The following SLC35F2 variants were observed in gnomAD, a reference collection of about 807,000 sequenced individuals.
SLC35F2 encodes the protein queuine/queuosine transporter SLC35F2.
Under a neutral mutation model 38.1 loss-of-function variants are expected in SLC35F2, and 25 were observed. The ratio of observed to expected loss-of-function variants is 0.66; its 90% CI spans 0.48 to 0.92. The LOEUF (loss-of-function observed/expected upper bound fraction) is 0.92. SLC35F2 is among the 40% of genes least tolerant of loss of function. SLC35F2 has a pLI of 0.00. For synonymous variants in SLC35F2, 173 were observed against 181.7 expected (o/e 0.95, Z 0.38); for missense variants, 409 against 452.9 (o/e 0.90, Z 0.88).
intron 7 of SLC35F2, among the ~76,000 whole-genome samples, chr11:107,802,242 A>AAAAAAAAAAAAAAAAAAAT (rs559048077): frequency 4.3e-4 from 64 of 147,936 alleles, no homozygotes; most frequent in African/African-American, 1.3e-3. Context: ...CATCTCAAAA[A>AAAAAAAAAAAAAAAAAAAT]AAATAAATAA....
chr11:107,815,720 G>A, intron 2 of SLC35F2, 70 bp downstream of exon 2: 2 of 1,501,982 alleles, frequency 1.3e-6, no homozygotes, highest in South Asian at 1.3e-5. Context: ...GAATTTAGAG[G>A]TGTCATACTT....
chr11:107,845,950 C>CATAAATAAATAAATAA lies in SLC35F2; in HGVS notation c.110+12692_110+12707dup, dbSNP rs57548679. Among the ~76,000 whole-genome samples the CATAAATAAATAAATAA allele has an allele frequency of 3.4e-3, 491 of 142,920 alleles. 2 individuals carry two copies. Among genetic ancestry groups the CATAAATAAATAAATAA allele is most frequent in the East Asian group, 0.029 (143 of 4,890 alleles). The allele number at this position is 142,920 out of a possible 152,430, so 93.8% of individuals were successfully genotyped here. A position where few individuals can be genotyped will look rare whatever the true frequency, so the allele number is the denominator to read the frequency against. On this transcript the variant is annotated intron_variant, in intron 1 of 7. Coordinates refer to ENST00000525815, the MANE Select transcript of SLC35F2 (RefSeq NM_017515.5). ...CCTGGGCGACAGACTGAGATTCTGT[C>CATAAATAAATAAATAA]ATAAATAAATAAATAAATAAATAAA...
rs112751391 is a variant in SLC35F2, at chr11:107,825,361, C to CTT, written c.111-9398_111-9397dup. Among the ~76,000 whole-genome samples, 79 of 123,606 alleles carry CTT rather than the reference C, an allele frequency of 6.4e-4. 1 individual carries two copies. Among genetic ancestry groups the CTT allele is most frequent in the African/African-American group, 1.8e-3 (61 of 33,500 alleles). The allele number at this position is 123,606 out of a possible 152,430, so 81.1% of individuals were successfully genotyped here. On this transcript the variant is annotated intron_variant, in intron 1 of 7. Coordinates refer to ENST00000525815, the MANE Select transcript of SLC35F2 (RefSeq NM_017515.5). ...GAGGCCTGAGATTCCGCATTTCTTT[C>CTT]TTTTTTTTTTTTTTTTTCTTTTTTT...
chr11:107,795,048 A>G (rs1404640064), intron 7 of SLC35F2, among the ~76,000 whole-genome samples: 1 of 152,230 alleles, frequency 6.6e-6, no homozygotes, highest in African/African-American at 2.4e-5. Context: ...GAAATTGAAG[A>G]TGACACAAAT....
chr11:107,797,169 T>A (rs1171643113), intron 7 of SLC35F2, among the ~76,000 whole-genome samples: 2 of 151,760 alleles, frequency 1.3e-5, no homozygotes, highest in Non-Finnish European at 1.5e-5. Context: ...TATAAATATT[T>A]GTATCAATAA....
Position 107,801,045 on chromosome 11 carries a change from C to T in SLC35F2, c.939+1956G>A, listed in dbSNP as rs566263948. 1.3e-4 allele frequency among the ~76,000 whole-genome samples: 20 copies of T among 151,982 alleles called. 1 individual carries two copies. In the East Asian group the frequency reaches 2.9e-3, roughly 22 times the overall value. ...TCGGCTTCCCGAGTAGCTGGGATTACAGGCATGTGCCACCACACCCTGCTA... is the reference window on the plus strand; with the variant it reads ...TCGGCTTCCCGAGTAGCTGGGATTATAGGCATGTGCCACCACACCCTGCTA... On this transcript the variant is annotated intron_variant, in intron 7 of 7. Coordinates refer to ENST00000525815, the MANE Select transcript of SLC35F2 (RefSeq NM_017515.5).
chr11:107,801,126 C>T (rs147109855), intron 7 of SLC35F2, among the ~76,000 whole-genome samples: 4 of 152,196 alleles, frequency 2.6e-5, no homozygotes, highest in African/African-American at 7.2e-5. Flanking sequence ...TGGCTGGTCT[C>T]GAACCCTTGA....
In SLC35F2 at chr11:107,858,752, G is replaced by A. The variant is rs761608405; in HGVS notation, c.16C>T (p.Pro6Ser). 33 of 1,272,346 alleles carry A rather than the reference G, an allele frequency of 2.6e-5. No homozygotes were observed. Among genetic ancestry groups the A allele is most frequent in the Middle Eastern group, 2.1e-4 (1 of 4,830 alleles). 78.8% of individuals were successfully genotyped at this position (1,272,346 alleles called of 1,614,324 possible). MEADS[P>S]AGPGAPEPLA... is the part of the protein sequence containing the mutation. ...GGCTCTGGGGCGCCGGGGCCCGCTG[G>A]CGAGTCTGCCTCCATCGGCGCCCTT... is the stretch of plus-strand genomic sequence containing the variant. Residue 6 changes from proline (P) to serine (S), a missense_variant, in exon 1 of 8, where the codon CCA (proline) becomes TCA (serine). By Grantham distance (74) the Pro-to-Ser change is moderately conservative. Coordinates refer to ENST00000525815, the MANE Select transcript of SLC35F2 (RefSeq NM_017515.5).
rs116825508 is a variant in SLC35F2 at position 107,857,164 on chromosome 11, A to G, written c.110+1494T>C. ...GGGAGGGAGGGAGACTGGAGCACAGAGAAGTTAAGTGACTTGTCCAAGACG... is the reference window on the plus strand; with the variant it reads ...GGGAGGGAGGGAGACTGGAGCACAGGGAAGTTAAGTGACTTGTCCAAGACG... On this transcript the variant is annotated intron_variant, in intron 1 of 7. Coordinates refer to ENST00000525815, the MANE Select transcript of SLC35F2 (RefSeq NM_017515.5). Among the ~76,000 whole-genome samples the G allele has an allele frequency of 4.5e-3, 595 of 133,552 alleles. 3 individuals carry two copies. The highest frequency in any genetic ancestry group is 0.016 in the African/African-American group (574 of 35,566). 87.6% of individuals were successfully genotyped at this position (133,552 alleles called of 152,430 possible). A position where few individuals can be genotyped will look rare whatever the true frequency, so the allele number is the denominator to read the frequency against.
At position 107,803,206 on chromosome 11, in the gene SLC35F2, CA is replaced by C. The variant is rs762803454; in HGVS notation, c.785-52del. ...AATATTAGGGCAAGAAAACATAAGA[CA>C]AAGGAGTTTGAGGCTTAGCTGTCAT... is the stretch of plus-strand genomic sequence containing the variant. On this transcript the variant is annotated intron_variant, in intron 6 of 7. Transcript: ENST00000525815. 5 of 1,535,746 alleles carry C rather than the reference CA, an allele frequency of 3.3e-6. No individual in the cohort carries two copies. In the East Asian group the frequency reaches 9.7e-5, roughly 30 times the overall value.
intron 1 of SLC35F2, among the ~76,000 whole-genome samples, chr11:107,836,388 G>A (rs1021104222): frequency 5.3e-5 from 8 of 151,910 alleles, no homozygotes; most frequent in African/African-American, 1.5e-4. Context: ...CTAAATGTAG[G>A]TGGAAGAATA....
chr11:107,816,014 T>TGACACA, intron 1 of SLC35F2, 49 bp from the exon 2 acceptor site: 1 of 1,302,374 alleles, frequency 7.7e-7, no homozygotes, highest in East Asian at 2.7e-5. Context: ...AAGTTATACC[T>TGACACA]TACACACACA....
At chr11:107,800,012 C>G (rs989100980) in intron 7 of SLC35F2, among the ~76,000 whole-genome samples, 19 of 151,672 alleles carry the variant, frequency 1.3e-4, no homozygotes, top group Non-Finnish European at 2.6e-4. Context: ...CCTCAGCCTC[C>G]TGAGCAGCTG....
intron 1 of SLC35F2, among the ~76,000 whole-genome samples, chr11:107,840,968 T>C (rs1860005630): frequency 6.6e-6 from 1 of 152,048 alleles, no homozygotes; most frequent in Non-Finnish European, 1.5e-5. Flanking sequence ...TGTCATCCCT[T>C]CTAGTCTTTC....
intron 1 of SLC35F2, chr11:107,858,415 C>T: frequency 2.7e-6 from 1 of 367,244 alleles, no homozygotes; most frequent in Non-Finnish European, 4.8e-6. Context: ...CCCCCAAATC[C>T]TCCAAAATAC....
At chr11:107,841,267 A>G (rs937252752) in intron 1 of SLC35F2, among the ~76,000 whole-genome samples, 1 of 152,224 alleles carries the variant, frequency 6.6e-6, no homozygotes, top group Non-Finnish European at 1.5e-5. Flanking sequence ...ACTTCACAGA[A>G]GTACACTAAG....
In SLC35F2 at chr11:107,791,662, T is replaced by C. The variant is rs983434173; in HGVS notation, c.*953A>G. ...GCCGAGGTGGGCAGATCGCTTTAGC[T>C]CAGGAATTTGAGATTAGCCTGGGCA... On this transcript the variant is annotated 3_prime_UTR_variant, in exon 8 of 8. Transcript: ENST00000525815. 1.3e-5 allele frequency: 2 copies of C among 152,258 alleles called. No individual in the cohort carries two copies. The highest frequency in any genetic ancestry group is 2.9e-5 in the Non-Finnish European group (2 of 68,150). 9.4% of individuals were successfully genotyped at this position (152,258 alleles called of 1,614,324 possible). A position where few individuals can be genotyped will look rare whatever the true frequency, so the allele number is the denominator to read the frequency against.
intron 1 of SLC35F2, among the ~76,000 whole-genome samples, chr11:107,853,921 T>A (rs533108205): frequency 6.6e-6 from 1 of 151,974 alleles, no homozygotes; most frequent in Admixed American, 6.6e-5. Context: ...TACGCGTTTT[T>A]AAAATATATG....
intron 1 of SLC35F2, among the ~76,000 whole-genome samples, chr11:107,819,480 C>G (rs910881078): frequency 6.6e-6 from 1 of 152,194 alleles, no homozygotes; most frequent in East Asian, 1.9e-4. Context: ...CAGGCACCAG[C>G]TGATGAGCTA....
Sources: gnomAD v4.1 joint callset for allele counts (sites outside exome capture counted in the v4.1 genomes callset) on GRCh38, gnomAD v4.1.1 for gene constraint, MANE v1.5 for transcripts, NCBI Gene and HGNC (gene_info 2026-07-23, HGNC 2026-07-21) for gene names.